Variants in WWC1 observed in about 807,000 individuals in gnomAD.
WWC1 encodes the protein WW and C2 domain containing 1, also known as protein KIBRA.
WWC1 carries 55 observed loss-of-function variants against 138.4 expected under a neutral mutation model. That is an observed-to-expected ratio of 0.40 (90% CI 0.32 to 0.50). WWC1 has a LOEUF of 0.50. WWC1 is among the 20% of genes least tolerant of loss of function. The probability of loss-of-function intolerance (pLI) is 0.72; values close to 1 mark genes in which losing one functional copy is unlikely to be tolerated. For synonymous variants in WWC1, 524 were observed against 564.9 expected (o/e 0.93, Z 1.03); for missense variants, 1,226 against 1,420.4 (o/e 0.86, Z 2.20).
chr5:168,434,400 G>A (rs899508635), intron 15 of WWC1, among the ~76,000 whole-genome samples: 2 of 152,208 alleles, frequency 1.3e-5, no homozygotes, highest in African/African-American at 4.8e-5. Flanking sequence ...AGAGACTCCG[G>A]ACAGCAGGAT....
intron 1 of WWC1, among the ~76,000 whole-genome samples, chr5:168,329,320 C>A (rs925194309): frequency 6.6e-6 from 1 of 152,188 alleles, no homozygotes; most frequent in African/African-American, 2.4e-5. Flanking sequence ...GGGATATCAT[C>A]TAGAAGGCTT....
rs574242868 is a variant in WWC1, at chr5:168,412,092, G to A, written c.941+2097G>A. 7.0e-4 allele frequency: 685 copies of A among 985,448 alleles called. 1 individual carries two copies. Among genetic ancestry groups the A allele is most frequent in the Non-Finnish European group, 7.9e-4 (655 of 829,956 alleles). 61.0% of individuals were successfully genotyped at this position (985,448 alleles called of 1,614,324 possible). ...TCTGAAGAGGACCACTCTGAACCTT[G>A]GATCTGTTCCATCCTGCAGGAATGC... On this transcript the variant is annotated intron_variant, in intron 8 of 22. Coordinates refer to ENST00000265293, the MANE Select transcript of WWC1 (RefSeq NM_015238.3).
chr5:168,403,006 T>TTCTC (rs1220927332), intron 5 of WWC1, among the ~76,000 whole-genome samples: 3 of 105,608 alleles, frequency 2.8e-5, no homozygotes, highest in African/African-American at 7.3e-5. Context: ...TGTTGTTTCT[T>TTCTC]TTTCTTTCTT....
chr5:168,343,053 A>G (rs1774175425), intron 1 of WWC1, among the ~76,000 whole-genome samples: 1 of 152,274 alleles, frequency 6.6e-6, no homozygotes, highest in Non-Finnish European at 1.5e-5. Flanking sequence ...ACCACCATCC[A>G]GCCCTAAGAG....
chr5:168,418,691 A>G (rs1012757100), intron 9 of WWC1, among the ~76,000 whole-genome samples: 3 of 151,682 alleles, frequency 2.0e-5, no homozygotes, highest in African/African-American at 7.3e-5. Flanking sequence ...ACCCACATTT[A>G]CTCCCAGCAC....
chr5:168,338,874 C>A (rs560489686), intron 1 of WWC1, among the ~76,000 whole-genome samples: 36 of 152,250 alleles, frequency 2.4e-4, no homozygotes, highest in African/African-American at 8.4e-4. Context: ...TACAAAATTA[C>A]AGCTAGACAG....
At chr5:168,396,587 G>A (rs935701566) in intron 3 of WWC1, among the ~76,000 whole-genome samples, 2 of 152,118 alleles carry the variant, frequency 1.3e-5, no homozygotes, top group Non-Finnish European at 2.9e-5. Flanking sequence ...CAGTGGGGTT[G>A]TGTTTACCTT....
chr5:168,364,822 A>AT (rs1307624185), intron 1 of WWC1, among the ~76,000 whole-genome samples: 1 of 152,158 alleles, frequency 6.6e-6, no homozygotes, highest in East Asian at 1.9e-4. Context: ...CCTGAATAGC[A>AT]TGGATCTCTC....
intron 17 of WWC1, among the ~76,000 whole-genome samples, chr5:168,448,806 A>G (rs947987672): frequency 1.3e-5 from 2 of 151,894 alleles, no homozygotes; most frequent in African/African-American, 2.4e-5. Context: ...TTTTTAGTAG[A>G]GATGGGGTTT....
At chr5:168,419,946 A>C (rs1288322659) in intron 9 of WWC1, among the ~76,000 whole-genome samples, 1 of 152,190 alleles carries the variant, frequency 6.6e-6, no homozygotes, top group Admixed American at 6.5e-5. Context: ...CTTTGGTGTC[A>C]GGCATGCCTG....
intron 1 of WWC1, among the ~76,000 whole-genome samples, chr5:168,307,135 A>G (rs11750709): frequency 0.65 from 98,449 of 152,142 alleles, 32,108 homozygotes; most frequent in Middle Eastern, 0.76. Context: ...GCCCAGTTTA[A>G]TTCTCATAGC....
intron 19 of WWC1, among the ~76,000 whole-genome samples, chr5:168,457,372 C>T (rs1262672070): frequency 6.6e-6 from 1 of 152,146 alleles, no homozygotes; most frequent in African/African-American, 2.4e-5. Context: ...CTTTGTTTTG[C>T]ACCCACAAGA....
chr5:168,414,857 C>A, intron 9 of WWC1: 1 of 474,346 alleles, frequency 2.1e-6, no homozygotes, highest in Non-Finnish European at 3.7e-6. Context: ...TATCTTCTGA[C>A]TCAATTAAGC....
At chr5:168,446,321 C>T (rs1755264807) in intron 17 of WWC1, among the ~76,000 whole-genome samples, 1 of 150,068 alleles carries the variant, frequency 6.7e-6, no homozygotes, top group Non-Finnish European at 1.5e-5. Context: ...GACTTTCTCC[C>T]TGATGTAATC....
At position 168,378,955 on chromosome 5, in the gene WWC1, G is replaced by C. The variant is rs568643790; in HGVS notation, c.230-6256G>C. Among the ~76,000 whole-genome samples, 13 of 152,284 alleles carry C rather than the reference G, an allele frequency of 8.5e-5. No homozygotes were observed. The East Asian group carries it at 1.5e-3, about 18-fold the overall frequency. ...TGTGGAGAAAACAGGTGTGTGGCAA[G>C]TGTAGGAAGGGATGGGTGTATGGAG... On this transcript the variant is annotated intron_variant, in intron 2 of 22. Transcript: ENST00000265293.
intron 4 of WWC1, among the ~76,000 whole-genome samples, chr5:168,398,099 A>T (rs866053059): frequency 6.6e-6 from 1 of 150,624 alleles, no homozygotes; most frequent in Non-Finnish European, 1.5e-5. Context: ...TTATTTATTT[A>T]TTTATTTTTA....
chr5:168,414,673 G>C lies in WWC1; in HGVS notation c.1184+83G>C, dbSNP rs1021918479. ...GCCCCCAGATGGGGGAAGAATGAGG[G>C]GGCTCCGGGCCCCTGGGCTCCACCC... On this transcript the variant is annotated intron_variant, in intron 9 of 22. Transcript: ENST00000265293. 6 of 1,458,960 alleles carry C rather than the reference G, an allele frequency of 4.1e-6. No homozygotes were observed. In the African/African-American group the frequency reaches 5.7e-5, roughly 14 times the overall value. The allele number at this position is 1,458,960 out of a possible 1,614,324, so 90.4% of individuals were successfully genotyped here. A position where few individuals can be genotyped will look rare whatever the true frequency, so the allele number is the denominator to read the frequency against.
chr5:168,467,339 G>A (rs1452505180), intron 21 of WWC1, among the ~76,000 whole-genome samples: 1 of 152,198 alleles, frequency 6.6e-6, no homozygotes, highest in Non-Finnish European at 1.5e-5. Flanking sequence ...ATGGTACGTG[G>A]ATATTTTAGG....
chr5:168,412,813 C>G (rs1780331362), intron 8 of WWC1, among the ~76,000 whole-genome samples: 2 of 152,050 alleles, frequency 1.3e-5, no homozygotes, highest in African/African-American at 4.8e-5. Flanking sequence ...TATAAGTAAT[C>G]TAGAGATGAT....
Sources: allele counts gnomAD v4.1 joint callset (sites outside exome capture counted in the v4.1 genomes callset), GRCh38; gene constraint gnomAD v4.1.1; transcripts MANE v1.5; gene names NCBI Gene and HGNC (gene_info 2026-07-23, HGNC 2026-07-21).